CSMD1: variants seen among roughly 807,000 people sequenced by gnomAD.
CSMD1 encodes the protein CUB and Sushi multiple domains 1.
In CSMD1, 213 loss-of-function variants were observed where a neutral mutation model predicts 417.5. The ratio of observed to expected loss-of-function variants is 0.51; its 90% CI spans 0.46 to 0.57. CSMD1 has a LOEUF of 0.57. Ranked by LOEUF, CSMD1 falls within the 20% of genes least tolerant of loss-of-function variation. CSMD1 has a pLI of 0.00. For synonymous variants in CSMD1, 2,862 were observed against 1,736.8 expected (o/e 1.65, Z -16.11); for missense variants, 6,923 against 4,529.7 (o/e 1.53, Z -15.17).
intron 2 of CSMD1, among the ~76,000 whole-genome samples, chr8:4,451,635 G>C (rs770636621): frequency 1.3e-5 from 2 of 152,108 alleles, no homozygotes; most frequent in African/African-American, 2.4e-5. Context: ...TCTACTAGAA[G>C]GTAATGTTAG....
intron 41 of CSMD1, among the ~76,000 whole-genome samples, chr8:3,130,165 A>G (rs1227660787): frequency 1.3e-5 from 2 of 152,218 alleles, no homozygotes; most frequent in Non-Finnish European, 2.9e-5. Context: ...CTCATTAAAA[A>G]TGGAAATTAC....
chr8:4,547,751 T>G (rs915730523), intron 2 of CSMD1, among the ~76,000 whole-genome samples: 1 of 152,196 alleles, frequency 6.6e-6, no homozygotes, highest in Non-Finnish European at 1.5e-5. Flanking sequence ...ACAAGGAATT[T>G]TGAATGAAAA....
At chr8:3,832,743 A>G (rs59708575) in intron 5 of CSMD1, among the ~76,000 whole-genome samples, 3 of 152,184 alleles carry the variant, frequency 2.0e-5, no homozygotes, top group Admixed American at 2.0e-4. Context: ...ATGACTTCTG[A>G]TAACTAAAAT....
intron 3 of CSMD1, among the ~76,000 whole-genome samples, chr8:4,131,986 G>A (rs373237173): frequency 1.3e-5 from 2 of 151,728 alleles, no homozygotes; most frequent in African/African-American, 2.4e-5. Context: ...GGATGGTCTC[G>A]ATCTCCTGAC....
At chr8:4,078,892 AATAAATATATAT>A (rs1351081638) in intron 3 of CSMD1, among the ~76,000 whole-genome samples, 1 of 91,700 alleles carries the variant, frequency 1.1e-5, no homozygotes, top group African/African-American at 5.4e-5. Flanking sequence ...TAATAATAAT[AATAAATATATAT>A]ATATATATAT....
At chr8:4,021,398 A>G (rs1242469152) in intron 4 of CSMD1, among the ~76,000 whole-genome samples, 1 of 152,166 alleles carries the variant, frequency 6.6e-6, no homozygotes, top group East Asian at 1.9e-4. Flanking sequence ...TGTGGCTCAC[A>G]TTATGGATTG....
intron 12 of CSMD1, among the ~76,000 whole-genome samples, chr8:3,440,501 C>T (rs773161168): frequency 2.6e-5 from 4 of 152,122 alleles, no homozygotes; most frequent in Non-Finnish European, 4.4e-5. Context: ...CATCCTGTAT[C>T]CTGTGAAGTC....
intron 25 of CSMD1, among the ~76,000 whole-genome samples, chr8:3,306,893 ATCATAAC>A (rs1413070482): frequency 6.6e-6 from 1 of 151,934 alleles, no homozygotes; most frequent in Admixed American, 6.6e-5. Flanking sequence ...ATAACTCATC[ATCATAAC>A]TCAGAACTCA....
intron 1 of CSMD1, among the ~76,000 whole-genome samples, chr8:4,826,592 A>G (rs1463583969): frequency 6.6e-6 from 1 of 152,118 alleles, no homozygotes; most frequent in African/African-American, 2.4e-5. Context: ...ACCTTAAACA[A>G]CTGATGGAAG....
chr8:4,555,905 C>A (rs951974212), intron 2 of CSMD1, among the ~76,000 whole-genome samples: 1 of 151,976 alleles, frequency 6.6e-6, no homozygotes, highest in African/African-American at 2.4e-5. Flanking sequence ...TGTATCTTTA[C>A]TGTGTAAAAT....
Position 4,782,950 on chromosome 8 carries a change from C to CAA in CSMD1, c.86-145394_86-145393dup, listed in dbSNP as rs11378248. 4.7e-3 allele frequency among the ~76,000 whole-genome samples: 604 copies of CAA among 127,840 alleles called. 8 individuals are homozygous for CAA. The highest frequency in any genetic ancestry group is 0.015 in the African/African-American group (539 of 34,982). The allele number at this position is 127,840 out of a possible 152,430, so 83.9% of individuals were successfully genotyped here. A position where few individuals can be genotyped will look rare whatever the true frequency, so the allele number is the denominator to read the frequency against. ...ATAAAACAATGTTTTTAAAGACACT[C>CAA]AAAAAAAAAAAAAGACGACTTCAGA... On this transcript the variant is annotated intron_variant, in intron 1 of 69. Transcript: ENST00000635120.
At chr8:4,897,702 A>T (rs1208777872) in intron 1 of CSMD1, among the ~76,000 whole-genome samples, 6 of 152,108 alleles carry the variant, frequency 3.9e-5, no homozygotes, top group Non-Finnish European at 5.9e-5. Flanking sequence ...ATATTACTTA[A>T]ATACATTCTA....
At chr8:4,817,439 G>C (rs998991242) in intron 1 of CSMD1, among the ~76,000 whole-genome samples, 5 of 152,246 alleles carry the variant, frequency 3.3e-5, no homozygotes, top group African/African-American at 1.2e-4. Flanking sequence ...TTTCATAGAA[G>C]TAGGAGCAAG....
intron 68 of CSMD1, among the ~76,000 whole-genome samples, chr8:2,947,552 T>C (rs1393092256): frequency 6.6e-6 from 1 of 152,164 alleles, no homozygotes; most frequent in Admixed American, 6.5e-5. Context: ...TTTTGTTAGA[T>C]TAAAAAGAAA....
At chr8:3,764,644 C>G (rs748698396) in intron 5 of CSMD1, among the ~76,000 whole-genome samples, 49 of 151,918 alleles carry the variant, frequency 3.2e-4, no homozygotes, top group Admixed American at 1.3e-4. Context: ...TACCATGTGT[C>G]TGGCTAGACA....
chr8:3,753,310 A>G (rs1185141304), intron 6 of CSMD1, among the ~76,000 whole-genome samples: 1 of 152,142 alleles, frequency 6.6e-6, no homozygotes, highest in African/African-American at 2.4e-5. Context: ...GTTAATAAGG[A>G]TTACTCATTA....
chr8:4,977,545 A>G (rs1003046960), intron 1 of CSMD1, among the ~76,000 whole-genome samples: 5 of 152,226 alleles, frequency 3.3e-5, no homozygotes, highest in African/African-American at 7.2e-5. Flanking sequence ...GAGAGGGAAC[A>G]CAGCGCACAG....
intron 3 of CSMD1, among the ~76,000 whole-genome samples, chr8:4,214,722 C>A (rs1343449018): frequency 6.6e-6 from 1 of 152,102 alleles, no homozygotes; most frequent in East Asian, 1.9e-4. Context: ...AAGAGTTCAT[C>A]ACAGAGAACT....
At chr8:4,234,337 G>A (rs1296153103) in intron 3 of CSMD1, among the ~76,000 whole-genome samples, 1 of 152,112 alleles carries the variant, frequency 6.6e-6, no homozygotes. Context: ...GAAATGGGCC[G>A]AGGCTCCTGA....
Sources: allele counts gnomAD v4.1 joint callset (sites outside exome capture counted in the v4.1 genomes callset), GRCh38; gene constraint gnomAD v4.1.1; transcripts MANE v1.5; gene names NCBI Gene and HGNC (gene_info 2026-07-23, HGNC 2026-07-21).